The following CHSY3 variants were observed in gnomAD, a reference collection of about 807,000 sequenced individuals.
CHSY3 encodes chondroitin sulfate synthase 3.
A neutral mutation model predicts 67.2 loss-of-function variants in CHSY3; 35 were observed. The ratio of observed to expected loss-of-function variants is 0.52; its 90% CI spans 0.40 to 0.69. The LOEUF (loss-of-function observed/expected upper bound fraction) is 0.69, where lower values mean the gene tolerates loss of function less well. CHSY3 is among the 30% of genes least tolerant of loss of function. The pLI, the probability that CHSY3 is intolerant of heterozygous loss-of-function variation, is 0.00. For synonymous variants in CHSY3, 474 were observed against 434.7 expected, an observed-to-expected ratio of 1.09 and a Z score of -1.12; for missense variants, 1,069 against 1,138.5, an observed-to-expected ratio of 0.94 and a Z score of 0.88.
chr5:130,073,230 A>G (rs1048039643), intron 2 of CHSY3, among the ~76,000 whole-genome samples: 1 of 152,142 alleles, frequency 6.6e-6, no homozygotes. Context: ...CAATGTATAC[A>G]TAGATCAAAA....
In CHSY3 at chr5:130,020,449, ATATATATATATAT is replaced by A. The variant is rs1208459908; in HGVS notation, c.1086+112091_1086+112103del. On this transcript the variant is annotated intron_variant, in intron 2 of 2. Transcript: ENST00000305031. ...TATATATATATATATATATATATATATATATATATATATTTTTTTTTTTTTTTTTTCCTCTGGC... is the reference window on the plus strand; with the variant it reads ...TATATATATATATATATATATATATATTTTTTTTTTTTTTTTTCCTCTGGC... Among the ~76,000 whole-genome samples the A allele has an allele frequency of 2.8e-3, 38 of 13,358 alleles. 1 individual carries two copies. The highest frequency in any genetic ancestry group is 9.9e-3 in the African/African-American group (35 of 3,520). The allele number at this position is 13,358 out of a possible 152,430, so 8.8% of individuals were successfully genotyped here. A position where few individuals can be genotyped will look rare whatever the true frequency, so the allele number is the denominator to read the frequency against.
chr5:129,904,389 G>C (rs1401793347), upstream of CHSY3: 1 of 158,098 alleles, frequency 6.3e-6, no homozygotes, highest in African/African-American at 2.4e-5. Context: ...CTCGGAGCCC[G>C]GCGGCGGGGG....
chr5:130,140,838 A>C (rs975106688), intron 2 of CHSY3: 1 of 260,752 alleles, frequency 3.8e-6, no homozygotes, highest in African/African-American at 2.3e-5. Flanking sequence ...TGTGCTAAGC[A>C]TATTCTCTCT....
At chr5:130,153,752 C>G (rs1445453113) in intron 2 of CHSY3, among the ~76,000 whole-genome samples, 1 of 152,132 alleles carries the variant, frequency 6.6e-6, no homozygotes, top group Non-Finnish European at 1.5e-5. Flanking sequence ...AGTTTGCAAA[C>G]TATTGGTTCT....
chr5:130,130,454 G>A (rs1768445143), intron 2 of CHSY3, among the ~76,000 whole-genome samples: 2 of 152,020 alleles, frequency 1.3e-5, no homozygotes, highest in South Asian at 4.2e-4. Flanking sequence ...TTATCTTCAG[G>A]TTCTTATTAC....
rs559069054 is a variant in CHSY3, at chr5:129,970,103, C to T, written c.1086+61743C>T. Among the ~76,000 whole-genome samples the T allele has an allele frequency of 2.6e-5, 4 of 151,882 alleles. No homozygotes were observed. In the South Asian group the frequency reaches 6.2e-4, roughly 24 times the overall value. ...TTGAAGGAGCTCCTCTCAGATCAGC[C>T]TTGCCTTACTACTACATTTAATGTA... On this transcript the variant is annotated intron_variant, in intron 2 of 2. Transcript: ENST00000305031.
intron 2 of CHSY3, among the ~76,000 whole-genome samples, chr5:130,118,317 T>C (rs1391173589): frequency 2.0e-5 from 3 of 152,216 alleles, no homozygotes; most frequent in African/African-American, 7.2e-5. Flanking sequence ...TTATAATGTT[T>C]TAAATGCAGA....
At chr5:130,075,782 C>T (rs1309594978) in intron 2 of CHSY3, among the ~76,000 whole-genome samples, 1 of 152,102 alleles carries the variant, frequency 6.6e-6, no homozygotes, top group Non-Finnish European at 1.5e-5. Context: ...CTAGTGCCAC[C>T]TGAGTTTCAT....
At chr5:129,919,168 T>G (rs893353820) in intron 2 of CHSY3, among the ~76,000 whole-genome samples, 2 of 138,676 alleles carry the variant, frequency 1.4e-5, no homozygotes, top group African/African-American at 5.4e-5. Flanking sequence ...TTTTAGAAGG[T>G]AAAATCATGA....
intron 2 of CHSY3, among the ~76,000 whole-genome samples, chr5:129,994,120 C>T (rs2149632727): frequency 6.6e-6 from 1 of 152,244 alleles, no homozygotes; most frequent in Admixed American, 6.5e-5. Context: ...GGTAACCCGA[C>T]CTTTCTCTCT....
chr5:129,998,337 G>A (rs1580631590), intron 2 of CHSY3, among the ~76,000 whole-genome samples: 1 of 152,114 alleles, frequency 6.6e-6, no homozygotes, highest in Non-Finnish European at 1.5e-5. Context: ...TAAAATTGCT[G>A]CATACTGTTT....
In CHSY3 at chr5:130,056,287, G is replaced by A. The variant is rs559784870; in HGVS notation, c.1087-127942G>A. Among the ~76,000 whole-genome samples the A allele has an allele frequency of 1.3e-4, 19 of 151,896 alleles. 1 individual carries two copies. The South Asian group carries it at 1.5e-3, about 12-fold the overall frequency. On this transcript the variant is annotated intron_variant, in intron 2 of 2. Coordinates refer to ENST00000305031, the MANE Select transcript of CHSY3 (RefSeq NM_175856.5). ...AGTTTGTTAAAAAAAAAAAAACTGGGCAGTTAATCTGACAGCTTCGTGTTC... is the reference window on the plus strand; with the variant it reads ...AGTTTGTTAAAAAAAAAAAAACTGGACAGTTAATCTGACAGCTTCGTGTTC...
intron 2 of CHSY3, among the ~76,000 whole-genome samples, chr5:129,996,170 G>A (rs1580628915): frequency 1.3e-5 from 2 of 150,836 alleles, no homozygotes; most frequent in East Asian, 3.9e-4. Context: ...TTTTGTGTCT[G>A]GGAAGTGCCT....
intron 2 of CHSY3, among the ~76,000 whole-genome samples, chr5:129,989,371 C>T (rs1343687918): frequency 6.6e-6 from 1 of 150,746 alleles, no homozygotes; most frequent in Admixed American, 6.7e-5. Flanking sequence ...AAGTGATTCT[C>T]CTGCCTCAGT....
chr5:129,984,240 C>A (rs932482976), intron 2 of CHSY3, among the ~76,000 whole-genome samples: 1 of 152,104 alleles, frequency 6.6e-6, no homozygotes, highest in Non-Finnish European at 1.5e-5. Flanking sequence ...TCCATGTGTA[C>A]TCAATGTTTA....
chr5:130,174,638 TAAC>T (rs1769990435), intron 2 of CHSY3, among the ~76,000 whole-genome samples: 4 of 152,106 alleles, frequency 2.6e-5, no homozygotes, highest in Admixed American at 1.3e-4. Context: ...ACTACAAAGA[TAAC>T]AACTACAACA....
intron 2 of CHSY3, among the ~76,000 whole-genome samples, chr5:130,182,647 T>A (rs1463619259): frequency 6.6e-6 from 1 of 152,138 alleles, no homozygotes; most frequent in Non-Finnish European, 1.5e-5. Flanking sequence ...TATGTTTACA[T>A]CAACAGGTCA....
intron 2 of CHSY3, among the ~76,000 whole-genome samples, chr5:130,080,935 C>T (rs150530423): frequency 7.8e-4 from 119 of 152,080 alleles, no homozygotes; most frequent in African/African-American, 2.6e-3. Flanking sequence ...GTGATTACTC[C>T]GCCACACAAT....
At chr5:130,172,629 C>A (rs188468976) in intron 2 of CHSY3, among the ~76,000 whole-genome samples, 1 of 152,258 alleles carries the variant, frequency 6.6e-6, no homozygotes, top group East Asian at 1.9e-4. Context: ...CTGTGCCTGG[C>A]CACATGTAAC....
Sources: gnomAD v4.1 joint callset for allele counts (sites outside exome capture counted in the v4.1 genomes callset) on GRCh38, gnomAD v4.1.1 for gene constraint, MANE v1.5 for transcripts, NCBI Gene and HGNC (gene_info 2026-07-23, HGNC 2026-07-21) for gene names.